SNTG1: variants seen among roughly 807,000 people sequenced by gnomAD.
The protein encoded by SNTG1 is gamma-1-syntrophin.
SNTG1 carries 39 observed loss-of-function variants against 74.7 expected under a neutral mutation model. That is an observed-to-expected ratio of 0.52 (90% CI 0.40 to 0.68). SNTG1 has a LOEUF of 0.68. Among genes scored for constraint, SNTG1 ranks in the 30% least tolerant of loss-of-function variants. The probability of loss-of-function intolerance (pLI) is 0.00; values close to 1 mark genes in which losing one functional copy is unlikely to be tolerated. For missense variants in SNTG1, 685 were observed against 609.5 expected, an observed-to-expected ratio of 1.12 and a Z score of -1.30; for synonymous variants, 254 against 217.1, an observed-to-expected ratio of 1.17 and a Z score of -1.49.
intron 13 of SNTG1, among the ~76,000 whole-genome samples, chr8:50,617,673 G>A (rs185778419): frequency 2.0e-4 from 31 of 152,266 alleles, no homozygotes; most frequent in African/African-American, 7.5e-4. Flanking sequence ...CCCTTTTAAG[G>A]GCTCACAACT....
chr8:50,138,279 G>T (rs1260627696), intron 1 of SNTG1, among the ~76,000 whole-genome samples: 1 of 151,892 alleles, frequency 6.6e-6, no homozygotes, highest in Admixed American at 6.6e-5. Context: ...AACAGCAATT[G>T]AAATAATTCA....
intron 15 of SNTG1, among the ~76,000 whole-genome samples, chr8:50,683,521 C>T (rs902937351): frequency 5.3e-5 from 8 of 152,220 alleles, no homozygotes; most frequent in African/African-American, 1.9e-4. Flanking sequence ...ACTAATTGAA[C>T]ACATTTTATG....
intron 8 of SNTG1, among the ~76,000 whole-genome samples, chr8:50,495,450 A>G (rs1346581117): frequency 6.7e-6 from 1 of 148,786 alleles, no homozygotes; most frequent in Non-Finnish European, 1.5e-5. Context: ...ATGTGACTCA[A>G]TCATGTCAAA....
intron 13 of SNTG1, among the ~76,000 whole-genome samples, chr8:50,627,021 G>A (rs900904636): frequency 6.6e-6 from 1 of 152,062 alleles, no homozygotes; most frequent in African/African-American, 2.4e-5. Flanking sequence ...TTTTATTTGT[G>A]TATTGATTTT....
At chr8:50,180,649 C>A (rs960941800) in intron 2 of SNTG1, among the ~76,000 whole-genome samples, 40 of 151,482 alleles carry the variant, frequency 2.6e-4, no homozygotes, top group African/African-American at 9.4e-4. Flanking sequence ...ACCTTCAACA[C>A]ATTTTTTTTA....
rs541208425 is a variant in SNTG1 at position 50,693,264 on chromosome 8, C to A, written c.1039-11336C>A. ...ACAGTGCAGGGCACCCACTGTCCTG[C>A]ACCTACTATCTGGCACTCCCCAGTG... On this transcript the variant is annotated intron_variant, in intron 15 of 18. Transcript: ENST00000642720. Among the ~76,000 whole-genome samples the A allele has an allele frequency of 5.3e-5, 8 of 152,254 alleles. No homozygotes were observed. The South Asian group carries it at 1.2e-3, about 24-fold the overall frequency.
chr8:49,946,101 T>C (rs1193579276), intron 1 of SNTG1, among the ~76,000 whole-genome samples: 1 of 152,184 alleles, frequency 6.6e-6, no homozygotes. Context: ...CTATCTATCA[T>C]CTATGTATCT....
intron 18 of SNTG1, among the ~76,000 whole-genome samples, chr8:50,763,623 C>G (rs1563817245): frequency 6.8e-6 from 1 of 147,678 alleles, no homozygotes; most frequent in Admixed American, 6.8e-5. Context: ...TCCAGCTACA[C>G]TCTTTTGGCT....
chr8:50,761,329 C>T (rs1033862858), intron 18 of SNTG1, among the ~76,000 whole-genome samples: 3 of 151,850 alleles, frequency 2.0e-5, no homozygotes, highest in African/African-American at 4.8e-5. Context: ...AACTTGCCTT[C>T]AGTAATGTTG....
intron 1 of SNTG1, among the ~76,000 whole-genome samples, chr8:50,057,932 C>T (rs1203794357): frequency 6.6e-6 from 1 of 152,116 alleles, no homozygotes; most frequent in Non-Finnish European, 1.5e-5. Context: ...AGTCTATGTG[C>T]ACTTTTTAAT....
intron 2 of SNTG1, among the ~76,000 whole-genome samples, chr8:50,209,512 T>G (rs1021292981): frequency 6.6e-6 from 1 of 152,116 alleles, no homozygotes; most frequent in African/African-American, 2.4e-5. Context: ...GGTGCCCCCC[T>G]GAGATGAAGC....
chr8:50,512,160 C>A (rs2094084203), intron 9 of SNTG1, among the ~76,000 whole-genome samples: 1 of 151,842 alleles, frequency 6.6e-6, no homozygotes, highest in Admixed American at 6.6e-5. Context: ...TATTTTATTT[C>A]TCCTTCACTT....
At chr8:50,026,274 G>A (rs570784137) in intron 1 of SNTG1, among the ~76,000 whole-genome samples, 2 of 152,208 alleles carry the variant, frequency 1.3e-5, no homozygotes, top group African/African-American at 4.8e-5. Flanking sequence ...AATGTGCAGA[G>A]GGTAGTGGTT....
chr8:50,607,096 AT>A (rs2094818253), intron 13 of SNTG1, among the ~76,000 whole-genome samples: 1 of 151,908 alleles, frequency 6.6e-6, no homozygotes, highest in Non-Finnish European at 1.5e-5. Flanking sequence ...TTTTATTTAC[AT>A]TGCCCTTCAA....
intron 17 of SNTG1, among the ~76,000 whole-genome samples, chr8:50,739,873 G>A (rs921394237): frequency 3.3e-5 from 5 of 151,940 alleles, no homozygotes; most frequent in Non-Finnish European, 7.4e-5. Context: ...CAATCAGTGG[G>A]GTAAGGATTC....
chr8:49,974,818 A>G (rs915519627), intron 1 of SNTG1, among the ~76,000 whole-genome samples: 2 of 152,222 alleles, frequency 1.3e-5, no homozygotes, highest in Non-Finnish European at 2.9e-5. Context: ...CTACAGTGCC[A>G]CATATGTTAA....
At chr8:50,702,429 G>T (rs2095429377) in intron 15 of SNTG1, among the ~76,000 whole-genome samples, 2 of 152,036 alleles carry the variant, frequency 1.3e-5, no homozygotes, top group African/African-American at 4.8e-5. Flanking sequence ...CTACAACCCT[G>T]GAAGTAAATG....
intron 4 of SNTG1, among the ~76,000 whole-genome samples, chr8:50,427,438 T>A (rs2093177349): frequency 6.6e-6 from 1 of 152,212 alleles, no homozygotes; most frequent in African/African-American, 2.4e-5. Context: ...TTTTTTATTT[T>A]TAATTTTTTG....
chr8:50,384,765 G>A (rs1216680565), intron 2 of SNTG1, among the ~76,000 whole-genome samples: 1 of 152,128 alleles, frequency 6.6e-6, no homozygotes, highest in Non-Finnish European at 1.5e-5. Flanking sequence ...GAGAAAGAAG[G>A]TAATGGAGCA....
Sources: gnomAD v4.1 joint callset for allele counts (sites outside exome capture counted in the v4.1 genomes callset) on GRCh38, gnomAD v4.1.1 for gene constraint, MANE v1.5 for transcripts, NCBI Gene and HGNC (gene_info 2026-07-23, HGNC 2026-07-21) for gene names.